BCL2L13: variants seen among roughly 807,000 people sequenced by gnomAD.
BCL2L13 encodes bcl-2-like protein 13.
Under a neutral mutation model 25.8 loss-of-function variants are expected in BCL2L13, and 13 were observed. The observed-to-expected ratio is 0.50, with a 90% CI of 0.33 to 0.80. The LOEUF is 0.80. Ranked by LOEUF, BCL2L13 falls within the 30% of genes least tolerant of loss-of-function variation. BCL2L13 has a pLI of 0.02. For missense variants in BCL2L13, 504 were observed against 574.9 expected (o/e 0.88, Z 1.26); for synonymous variants, 244 against 230.3 (o/e 1.06, Z -0.54).
chr22:17,666,887 C>G (rs2059250507), intron 2 of BCL2L13, among the ~76,000 whole-genome samples: 1 of 151,926 alleles, frequency 6.6e-6, no homozygotes, highest in South Asian at 2.1e-4. Flanking sequence ...GGGGTTTCAC[C>G]AGTTGGCCAG....
intron 6 of BCL2L13, among the ~76,000 whole-genome samples, chr22:17,712,539 A>G (rs995972778): frequency 2.6e-5 from 4 of 152,144 alleles, no homozygotes; most frequent in African/African-American, 9.7e-5. Context: ...TTTCTTTCTG[A>G]TCTTCACAAA....
chr22:17,669,522 A>G (rs939960130), intron 2 of BCL2L13, among the ~76,000 whole-genome samples: 1 of 152,190 alleles, frequency 6.6e-6, no homozygotes, highest in Non-Finnish European at 1.5e-5. Context: ...TCTGGCAGAA[A>G]GGAACTGAGC....
At chr22:17,639,156 G>GC (rs1182306667) in intron 1 of BCL2L13, among the ~76,000 whole-genome samples, 3 of 152,222 alleles carry the variant, frequency 2.0e-5, no homozygotes, top group African/African-American at 4.8e-5. Flanking sequence ...GAGGAGCTCG[G>GC]CCCTGGCTCC....
At chr22:17,717,633 T>C (rs984995758) in intron 6 of BCL2L13, among the ~76,000 whole-genome samples, 1 of 152,178 alleles carries the variant, frequency 6.6e-6, no homozygotes, top group African/African-American at 2.4e-5. Flanking sequence ...GAGATTGTTT[T>C]ATTACCAGCA....
At chr22:17,698,908 CTT>C (rs938245064) in intron 5 of BCL2L13, among the ~76,000 whole-genome samples, 3 of 152,154 alleles carry the variant, frequency 2.0e-5, no homozygotes, top group Non-Finnish European at 4.4e-5. Context: ...ATTGAAGTCT[CTT>C]TTAATATGTA....
chr22:17,638,593 T>C (rs2146363997), upstream of BCL2L13: 2 of 1,004,896 alleles, frequency 2.0e-6, no homozygotes, highest in African/African-American at 1.7e-5. Flanking sequence ...CGCAATCAGA[T>C]TTGGGCGGGC....
chr22:17,643,674 C>T (rs976204240), intron 1 of BCL2L13, among the ~76,000 whole-genome samples: 1 of 152,142 alleles, frequency 6.6e-6, no homozygotes. Context: ...GTCGCCCAGA[C>T]TGGAGTGCAG....
intron 5 of BCL2L13, 93 bp downstream of exon 5, chr22:17,696,303 T>C: frequency 9.5e-7 from 1 of 1,048,538 alleles, no homozygotes; most frequent in Non-Finnish European, 1.5e-6. Flanking sequence ...AGAAAACTGT[T>C]AGAGCTCATT....
intron 6 of BCL2L13, among the ~76,000 whole-genome samples, chr22:17,719,153 CAAAAAA>C (rs59630355): frequency 6.6e-5 from 3 of 45,506 alleles, no homozygotes; most frequent in African/African-American, 1.7e-4. Context: ...GGCTCTGTCT[CAAAAAA>C]AAAAAAAAAA....
At position 17,727,442 on chromosome 22, in the gene BCL2L13, G is replaced by A. The variant is rs1342224674; in HGVS notation, c.1366G>A (p.Glu456Lys). ...AGEMKPMPLS[E>K]GKSILLFGGA... The stretch of plus-strand genomic sequence containing the variant: ...TGAGATGAAGCCCATGCCGCTGTCT[G>A]AGGGCAAGTCTATACTGCTGTTTGG... Residue 456 changes from glutamate (E) to lysine (K), a missense_variant, in exon 7 of 7, where the codon GAG becomes AAG. Physicochemically the swap from Glu to Lys is moderately conservative, Grantham distance 56. Transcript: ENST00000317582. The A allele has an allele frequency of 6.2e-7, 1 of 1,614,256 alleles. No homozygotes were observed. The highest frequency in any genetic ancestry group is 8.5e-7 in the Non-Finnish European group (1 of 1,180,048).
intron 6 of BCL2L13, 46 bp downstream of exon 6, chr22:17,702,432 G>C: frequency 6.8e-7 from 1 of 1,460,444 alleles, no homozygotes; most frequent in Non-Finnish European, 9.1e-7. Context: ...AAAAAAATTA[G>C]GTTTGTTGTT....
At chr22:17,648,072 G>A (rs2058555752) in intron 1 of BCL2L13, among the ~76,000 whole-genome samples, 1 of 151,784 alleles carries the variant, frequency 6.6e-6, no homozygotes, top group Non-Finnish European at 1.5e-5. Context: ...GAAGGTTGCA[G>A]TGAGCCGAGG....
Position 17,655,750 on chromosome 22 carries a change from T to C in BCL2L13, c.39T>C (p.Tyr13=), listed in dbSNP as rs1568934244. The C allele has an allele frequency of 1.2e-6, 2 of 1,613,808 alleles. No individual in the cohort carries two copies. The highest frequency in any genetic ancestry group is 1.7e-6 in the Non-Finnish European group (2 of 1,179,854). Residue 13 remains tyrosine (Y), a synonymous_variant, in exon 2 of 7, where the codon TAT becomes TAC. Coordinates refer to ENST00000317582, the MANE Select transcript of BCL2L13 (RefSeq NM_015367.4). ...SSSTVPLGFH[Y]ETKYVVLSYL... is the part of the protein sequence containing the mutation. ...CTACTGTGCCTCTGGGATTTCACTA[T>C]GAAACAAAGTATGTTGTTCTCAGCT...
At chr22:17,682,789 G>A (rs546808651) in intron 2 of BCL2L13, among the ~76,000 whole-genome samples, 10 of 152,124 alleles carry the variant, frequency 6.6e-5, no homozygotes, top group African/African-American at 1.2e-4. Context: ...ATTTCCTCCC[G>A]TCCCTAATTT....
At chr22:17,723,683 C>T (rs2061213316) in intron 6 of BCL2L13, among the ~76,000 whole-genome samples, 1 of 152,096 alleles carries the variant, frequency 6.6e-6, no homozygotes, top group Non-Finnish European at 1.5e-5. Context: ...GCCTGTAATC[C>T]CAGCACTTTG....
chr22:17,683,593 T>C (rs2059818672), intron 3 of BCL2L13, among the ~76,000 whole-genome samples: 1 of 152,154 alleles, frequency 6.6e-6, no homozygotes, highest in Non-Finnish European at 1.5e-5. Context: ...TTAAGGTTCT[T>C]TCCATTCACT....
At chr22:17,637,115 A>C (rs1159031916), upstream of BCL2L13, among the ~76,000 whole-genome samples, 2 of 151,806 alleles carry the variant, frequency 1.3e-5, no homozygotes, top group African/African-American at 4.8e-5. Flanking sequence ...TCTATTAAAA[A>C]TTTTTAAAAA....
chr22:17,635,545 G>A (rs181697823), upstream of BCL2L13, among the ~76,000 whole-genome samples: 2 of 152,148 alleles, frequency 1.3e-5, no homozygotes, highest in African/African-American at 4.8e-5. Context: ...AACAATTCTA[G>A]GTTTTCTGTT....
rs1328104295 is a variant in BCL2L13, at chr22:17,695,846, C to A, written c.387-295C>A. ...TCCTGTATTAATAATTCAGGTATTTCTTTGCAGCATAAAAATCCTATCCTG... is the reference window on the plus strand; with the variant it reads ...TCCTGTATTAATAATTCAGGTATTTATTTGCAGCATAAAAATCCTATCCTG... On this transcript the variant is annotated intron_variant, in intron 4 of 6. Transcript: ENST00000317582. 4 of 254,236 alleles carry A rather than the reference C, an allele frequency of 1.6e-5. No individual in the cohort carries two copies. The East Asian group carries it at 2.0e-4, about 13-fold the overall frequency. The allele number at this position is 254,236 out of a possible 1,614,324, so 15.7% of individuals were successfully genotyped here.
Sources: gnomAD v4.1 joint callset for allele counts (sites outside exome capture counted in the v4.1 genomes callset) on GRCh38, gnomAD v4.1.1 for gene constraint, MANE v1.5 for transcripts, NCBI Gene and HGNC (gene_info 2026-07-23, HGNC 2026-07-21) for gene names.